The following KCTD3 variants were observed in gnomAD, a reference collection of about 807,000 sequenced individuals.
KCTD3 encodes the protein potassium channel tetramerization domain containing 3.
A neutral mutation model predicts 85.8 loss-of-function variants in KCTD3; 41 were observed. The ratio of observed to expected loss-of-function variants is 0.48; its 90% CI spans 0.37 to 0.62. The LOEUF (loss-of-function observed/expected upper bound fraction) is 0.62, where lower values mean the gene tolerates loss of function less well. KCTD3 is among the 20% of genes least tolerant of loss of function. The pLI is 0.00. For synonymous variants in KCTD3, 338 were observed against 345.4 expected (o/e 0.98, Z 0.24); for missense variants, 724 against 989.9 (o/e 0.73, Z 3.60).
At chr1:215,590,682 T>A (rs1008720766) in intron 9 of KCTD3, among the ~76,000 whole-genome samples, 1 of 152,222 alleles carries the variant, frequency 6.6e-6, no homozygotes, top group East Asian at 1.9e-4. Flanking sequence ...TAGTATTACT[T>A]TTTGATTCCA....
chr1:215,607,303 C>CA (rs369440672), intron 13 of KCTD3, among the ~76,000 whole-genome samples: 84 of 151,030 alleles, frequency 5.6e-4, no homozygotes, highest in African/African-American at 2.0e-3. Flanking sequence ...TAAAGCATGC[C>CA]AAAAAAAGTA....
At position 215,567,681 on chromosome 1, in the gene KCTD3, C is replaced by T. The variant is rs1285715269; in HGVS notation, c.-5C>T. 1 of 1,237,706 alleles carries T rather than the reference C, an allele frequency of 8.1e-7. No homozygotes were observed. The allele number at this position is 1,237,706 out of a possible 1,614,324, so 76.7% of individuals were successfully genotyped here. A position where few individuals can be genotyped will look rare whatever the true frequency, so the allele number is the denominator to read the frequency against. Reference sequence around the variant, plus strand: ...GGGCGGCGAGCGCGTCCGGAGCCGCCGGAGATGGCGGGAGGGCACTGCGGC... The same window carrying T: ...GGGCGGCGAGCGCGTCCGGAGCCGCTGGAGATGGCGGGAGGGCACTGCGGC... On this transcript the variant is annotated 5_prime_UTR_variant, in exon 1 of 18. Transcript: ENST00000259154.
Position 215,620,220 on chromosome 1 carries a change from G to A in KCTD3, c.2050G>A (p.Val684Ile), listed in dbSNP as rs781296290. 6.2e-7 allele frequency: 1 copy of A among 1,613,870 alleles called. No homozygotes were observed. Residue 684 changes from valine (V) to isoleucine (I), a missense_variant, in exon 18 of 18, where the codon GTC becomes ATC. This residue lies in a region of KCTD3 where 222 missense variants were observed against 217.7 expected (regional missense o/e 1.02). Transcript: ENST00000259154. ...TTTGAACAGAAATGTAGAAAGAGCT[G>A]TCCCTGAAAATGGTAACTTGGGTCC... Reference protein sequence around the residue: ...INLNRNVERAVPENGNLGPIQ... With the variant: ...INLNRNVERAIPENGNLGPIQ...
chr1:215,596,267 G>A (rs190610138), intron 10 of KCTD3, among the ~76,000 whole-genome samples: 4 of 152,088 alleles, frequency 2.6e-5, no homozygotes, highest in Non-Finnish European at 5.9e-5. Flanking sequence ...TGGTGGGTAG[G>A]GTGAAGAATT....
At chr1:215,580,750 T>G (rs1358155351) in intron 8 of KCTD3, among the ~76,000 whole-genome samples, 2 of 152,190 alleles carry the variant, frequency 1.3e-5, no homozygotes, top group Non-Finnish European at 2.9e-5. Context: ...TGTTTATCAC[T>G]GTTGAGTTCG....
intron 15 of KCTD3, 181 bp from the exon 16 acceptor site, chr1:215,618,705 G>C (rs928627241): frequency 2.3e-5 from 13 of 565,180 alleles, no homozygotes; most frequent in Non-Finnish European, 3.1e-5. Context: ...CATCTCCATA[G>C]AGCTGTATAT....
chr1:215,585,655 T>C (rs939844301), intron 8 of KCTD3, among the ~76,000 whole-genome samples: 7 of 152,250 alleles, frequency 4.6e-5, no homozygotes, highest in Non-Finnish European at 8.8e-5. Flanking sequence ...TCATTCATTA[T>C]TATGATTACG....
intron 15 of KCTD3, among the ~76,000 whole-genome samples, chr1:215,617,083 C>T (rs1050463240): frequency 2.6e-5 from 4 of 152,186 alleles, no homozygotes; most frequent in African/African-American, 2.4e-5. Flanking sequence ...GAGTTCAGAG[C>T]GCTTCCAGAT....
At chr1:215,577,130 T>C (rs1034335841) in intron 4 of KCTD3, among the ~76,000 whole-genome samples, 2 of 151,914 alleles carry the variant, frequency 1.3e-5, no homozygotes, top group Non-Finnish European at 2.9e-5. Context: ...TTCCCAAGGC[T>C]AGTCTTTTTT....
chr1:215,598,037 A>C (rs1654674300), intron 10 of KCTD3, among the ~76,000 whole-genome samples: 1 of 152,064 alleles, frequency 6.6e-6, no homozygotes, highest in South Asian at 2.1e-4. Context: ...CAAATATTGA[A>C]ACAATGTATA....
At position 215,579,954 on chromosome 1, in the gene KCTD3, A is replaced by G; in HGVS notation, c.581A>G (p.His194Arg). 1.2e-6 allele frequency: 2 copies of G among 1,613,674 alleles called. No individual in the cohort carries two copies. Among genetic ancestry groups the G allele is most frequent in the Admixed American group, 1.7e-5 (1 of 60,024 alleles). ...AAGGTGCTAATAGTAGCTGGCCATC[A>G]CAACTGGATTGTAGCTGCATATGCC... ...PRKVLIVAGH[H>R]NWIVAAYAHF... is the part of the protein sequence containing the mutation. Residue 194 changes from histidine (H) to arginine (R), a missense_variant, in exon 8 of 18, where the codon CAC becomes CGC. Around this residue, in one of 6 missense-constraint regions of KCTD3, gnomAD observed 106 missense variants for 98.2 expected, o/e 1.08. Transcript: ENST00000259154.
In KCTD3 at chr1:215,567,585, CGCTGG is replaced by C; in HGVS notation, c.-100_-96del. The C allele has an allele frequency of 1.5e-6, 1 of 659,152 alleles. No individual in the cohort carries two copies. The highest frequency in any genetic ancestry group is 2.1e-6 in the Non-Finnish European group (1 of 479,246). 40.8% of individuals were successfully genotyped at this position (659,152 alleles called of 1,614,324 possible). On this transcript the variant is annotated 5_prime_UTR_variant, in exon 1 of 18. Transcript: ENST00000259154. ...CCCCGCCCTCCGGCCGCCGCCGCCC[CGCTGG>C]CCCTGCAGCCGTCGCCGCTGCCTCG...
In KCTD3 at chr1:215,586,552, T is replaced by C; in HGVS notation, c.684T>C (p.Thr228=). Residue 228 remains threonine (T), a synonymous_variant, in exon 9 of 18, where the codon ACT becomes ACC. Transcript: ENST00000259154. ...TTACGAGCCCATATTTGGATTGGAC[T>C]ATCGAACGAGTAGCTTTAAATGCAA... The part of the protein sequence containing the change: ...QVFTSPYLDW[T]IERVALNAKV... The C allele has an allele frequency of 3.1e-6, 5 of 1,614,160 alleles. No homozygotes were observed. The highest frequency in any genetic ancestry group is 4.2e-6 in the Non-Finnish European group (5 of 1,180,022).
Position 215,611,823 on chromosome 1 carries a change from A to G in KCTD3, c.1466-2A>G. On this transcript the variant is annotated splice_acceptor_variant, in intron 14 of 17. Coordinates refer to ENST00000259154, the MANE Select transcript of KCTD3 (RefSeq NM_016121.5). LOFTEE classifies it high-confidence loss of function. Reference sequence around the variant, plus strand: ...TTTTGACATTTTTGTTTTCTGATCAAGGACCTTTTGGAGAGCGAGACGATC... The same window carrying G: ...TTTTGACATTTTTGTTTTCTGATCAGGGACCTTTTGGAGAGCGAGACGATC... The G allele has an allele frequency of 6.3e-7, 1 of 1,589,320 alleles. No individual in the cohort carries two copies. The highest frequency in any genetic ancestry group is 8.6e-7 in the Non-Finnish European group (1 of 1,165,328).
intron 8 of KCTD3, among the ~76,000 whole-genome samples, chr1:215,582,049 G>A (rs1048820900): frequency 3.9e-5 from 6 of 152,194 alleles, no homozygotes; most frequent in African/African-American, 1.2e-4. Flanking sequence ...TTCTATTAAC[G>A]AAGAGTAGTT....
intron 3 of KCTD3, 138 bp downstream of exon 3, chr1:215,574,256 G>T (rs1041081172): frequency 4.0e-6 from 2 of 500,504 alleles, no homozygotes; most frequent in South Asian, 1.0e-4. Context: ...TTTATTTCTT[G>T]TCATATGTAG....
Position 215,604,186 on chromosome 1 carries a change from G to A in KCTD3, c.1193G>A (p.Arg398Gln), listed in dbSNP as rs1654929781. The change falls in exon 13 of 18, where the codon CGA becomes CAA. Residue 398 changes from arginine (R) to glutamine (Q), a missense_variant. Coordinates refer to ENST00000259154, the MANE Select transcript of KCTD3 (RefSeq NM_016121.5). ...TATGGTACGAGCTCTGGAGCAGTAC[G>A]AGTGATTGTACAACACCCAGAGACA... ...IAYGTSSGAV[R>Q]VIVQHPETVG... is the part of the protein sequence containing the mutation. 6.2e-7 allele frequency: 1 copy of A among 1,613,600 alleles called. No homozygotes were observed.
At chr1:215,600,547 C>A (rs1654792288) in intron 10 of KCTD3, among the ~76,000 whole-genome samples, 1 of 152,138 alleles carries the variant, frequency 6.6e-6, no homozygotes, top group African/African-American at 2.4e-5. Flanking sequence ...CTATAATTGT[C>A]TGTTATTTTT....
chr1:215,587,244 C>T (rs1660045638), intron 9 of KCTD3, among the ~76,000 whole-genome samples: 1 of 151,920 alleles, frequency 6.6e-6, no homozygotes, highest in African/African-American at 2.4e-5. Context: ...ATTCTCCTGC[C>T]TCAGCCTCCC....
Sources: gnomAD v4.1 joint callset for allele counts (sites outside exome capture counted in the v4.1 genomes callset) on GRCh38, gnomAD v4.1.1 for gene constraint, gnomAD v4.1.1 regional missense constraint, MANE v1.5 for transcripts, NCBI Gene and HGNC (gene_info 2026-07-23, HGNC 2026-07-21) for gene names.